The following THSD7B variants were observed in gnomAD, a reference collection of about 807,000 sequenced individuals.
THSD7B encodes thrombospondin type-1 domain-containing protein 7B.
In THSD7B, 138 loss-of-function variants were observed where a neutral mutation model predicts 213.6. That is an observed-to-expected ratio of 0.65 (90% CI 0.56 to 0.74). The LOEUF is 0.74. Among genes scored for constraint, THSD7B ranks in the 30% least tolerant of loss-of-function variants. The pLI is 0.00. For missense variants in THSD7B, 1,931 were observed against 1,991.5 expected (o/e 0.97, Z 0.58); for synonymous variants, 742 against 687.0 (o/e 1.08, Z -1.25).
chr2:136,844,028 C>CTG (rs1682959141), intron 1 of THSD7B, among the ~76,000 whole-genome samples: 1 of 151,934 alleles, frequency 6.6e-6, no homozygotes, highest in African/African-American at 2.4e-5. Context: ...AGGCCTCTCT[C>CTG]AGACTGAAAG....
At chr2:137,510,938 A>T (rs1006735996) in intron 15 of THSD7B, among the ~76,000 whole-genome samples, 2 of 152,144 alleles carry the variant, frequency 1.3e-5, no homozygotes, top group Non-Finnish European at 2.9e-5. Flanking sequence ...ACTAACTACT[A>T]TGCCACATAT....
Position 137,563,250 on chromosome 2 carries a change from G to A in THSD7B, c.3168G>A (p.Glu1056=), listed in dbSNP as rs1681159494. Residue 1056 remains glutamate, a synonymous_variant, in exon 16 of 28, where the codon GAG becomes GAA. Transcript: ENST00000409968. Reference sequence around the variant, plus strand: ...ATGAGGCAGTCCCATGTTACAGTGAGTGCAATCAGTATTCCTGGGTTGTAG... The same window carrying A: ...ATGAGGCAGTCCCATGTTACAGTGAATGCAATCAGTATTCCTGGGTTGTAG... ...QVHEAVPCYS[E]CNQYSWVVEH... 6.2e-7 allele frequency: 1 copy of A among 1,613,394 alleles called. No individual in the cohort carries two copies. The highest frequency in any genetic ancestry group is 2.2e-5 in the East Asian group (1 of 44,874).
At chr2:137,630,248 C>T (rs553577230) in intron 20 of THSD7B, among the ~76,000 whole-genome samples, 2 of 152,256 alleles carry the variant, frequency 1.3e-5, no homozygotes, top group South Asian at 2.1e-4. Context: ...CCTGCCTCGG[C>T]CCCCCAAAGT....
intron 5 of THSD7B, among the ~76,000 whole-genome samples, chr2:137,149,562 G>A (rs1206198598): frequency 6.6e-6 from 1 of 152,228 alleles, no homozygotes; most frequent in Non-Finnish European, 1.5e-5. Context: ...GAGGCTGGCT[G>A]TACCCTGCAA....
intron 2 of THSD7B, among the ~76,000 whole-genome samples, chr2:136,983,506 T>G (rs1210727199): frequency 6.6e-6 from 1 of 151,720 alleles, no homozygotes; most frequent in Non-Finnish European, 1.5e-5. Flanking sequence ...AAATCTGTTT[T>G]TTTTTTTTTT....
chr2:136,997,084 A>C (rs879593755), intron 2 of THSD7B, among the ~76,000 whole-genome samples: 1 of 152,218 alleles, frequency 6.6e-6, no homozygotes, highest in Admixed American at 6.5e-5. Context: ...ATTTTCTTAC[A>C]TTACCACCAA....
At chr2:137,295,380 A>G (rs967344433) in intron 12 of THSD7B, among the ~76,000 whole-genome samples, 6 of 152,114 alleles carry the variant, frequency 3.9e-5, no homozygotes, top group Admixed American at 1.3e-4. Context: ...TATGATTTCT[A>G]TGGCAATTTT....
At chr2:137,503,464 C>T (rs1679757304) in intron 15 of THSD7B, among the ~76,000 whole-genome samples, 2 of 151,502 alleles carry the variant, frequency 1.3e-5, no homozygotes, top group South Asian at 4.1e-4. Flanking sequence ...GGGACAGAGA[C>T]ATGAGAAAGA....
chr2:137,224,732 C>T (rs1681456829), intron 7 of THSD7B, among the ~76,000 whole-genome samples: 1 of 152,040 alleles, frequency 6.6e-6, no homozygotes, highest in South Asian at 2.1e-4. Context: ...AGTGCAGTGG[C>T]GCGATCTCGG....
At chr2:137,433,169 T>C (rs1027696398) in intron 14 of THSD7B, among the ~76,000 whole-genome samples, 8 of 152,084 alleles carry the variant, frequency 5.3e-5, no homozygotes, top group African/African-American at 1.9e-4. Flanking sequence ...CGCTGTAAGA[T>C]AATAACAAGA....
chr2:137,114,244 T>C (rs1460910357), intron 4 of THSD7B, among the ~76,000 whole-genome samples: 2 of 152,234 alleles, frequency 1.3e-5, no homozygotes, highest in Non-Finnish European at 2.9e-5. Context: ...TTGTTCAGAA[T>C]TTAATGAGTC....
intron 15 of THSD7B, among the ~76,000 whole-genome samples, chr2:137,518,976 G>A (rs1316188012): frequency 7.2e-5 from 11 of 152,156 alleles, no homozygotes; most frequent in Non-Finnish European, 1.0e-4. Flanking sequence ...GGCTGGGCAC[G>A]GTGGCTCACG....
intron 1 of THSD7B, among the ~76,000 whole-genome samples, chr2:136,775,923 C>G (rs910990940): frequency 1.3e-5 from 2 of 152,044 alleles, no homozygotes; most frequent in African/African-American, 4.8e-5. Context: ...GTTTATTATA[C>G]TTTGACAGAT....
intron 1 of THSD7B, among the ~76,000 whole-genome samples, chr2:136,848,402 G>A (rs1369268928): frequency 6.6e-6 from 1 of 152,142 alleles, no homozygotes; most frequent in Non-Finnish European, 1.5e-5. Flanking sequence ...TCCAGGTGCT[G>A]TTGATGCTGC....
chr2:137,414,786 T>TGGCTC (rs1686756630), intron 14 of THSD7B, among the ~76,000 whole-genome samples: 1 of 152,078 alleles, frequency 6.6e-6, no homozygotes, highest in Admixed American at 6.5e-5. Flanking sequence ...TTAGGTGCAG[T>TGGCTC]GGCTCATGCC....
chr2:137,669,597 T>C (rs928793868), intron 27 of THSD7B, among the ~76,000 whole-genome samples: 3 of 152,202 alleles, frequency 2.0e-5, no homozygotes, highest in African/African-American at 7.2e-5. Flanking sequence ...GGAAATTTCT[T>C]AAATTGCAGC....
intron 10 of THSD7B, among the ~76,000 whole-genome samples, chr2:137,267,648 AC>A (rs554722157): frequency 6.6e-6 from 1 of 151,528 alleles, no homozygotes; most frequent in Non-Finnish European, 1.5e-5. Context: ...TACCTCTTCC[AC>A]CCCCCCATTT....
At chr2:137,290,906 A>G (rs1487186863) in intron 12 of THSD7B, among the ~76,000 whole-genome samples, 3 of 152,094 alleles carry the variant, frequency 2.0e-5, no homozygotes, top group Non-Finnish European at 4.4e-5. Flanking sequence ...TGAGAATTGT[A>G]GTAACATCCC....
intron 15 of THSD7B, among the ~76,000 whole-genome samples, chr2:137,498,635 G>A (rs560235235): frequency 6.6e-6 from 1 of 152,124 alleles, no homozygotes; most frequent in East Asian, 1.9e-4. Context: ...GGGGGTAGGG[G>A]AGCTCTTAAT....
Sources: gnomAD v4.1 joint callset for allele counts (sites outside exome capture counted in the v4.1 genomes callset) on GRCh38, gnomAD v4.1.1 for gene constraint, MANE v1.5 for transcripts, NCBI Gene and HGNC (gene_info 2026-07-23, HGNC 2026-07-21) for gene names.